The following TEX22 variants were observed in gnomAD, a reference collection of about 807,000 sequenced individuals.
TEX22 encodes testis expressed 22, also known as testis-expressed protein 22.
Under a neutral mutation model 11.3 loss-of-function variants are expected in TEX22, and 16 were observed. The ratio of observed to expected loss-of-function variants is 1.42; its 90% confidence interval spans 0.96 to 2.15. The LOEUF is 2.15. Among genes scored for constraint, TEX22 ranks in the 30% most tolerant of loss-of-function variants. The pLI is 0.00. For synonymous variants in TEX22, 97 were observed against 92.3 expected, an observed-to-expected ratio of 1.05 and a Z score of -0.29; for missense variants, 220 against 208.6, an observed-to-expected ratio of 1.05 and a Z score of -0.34.
At chr14:105,403,732 T>G (rs1187205177) in intron 2 of TEX22, among the ~76,000 whole-genome samples, 2 of 152,212 alleles carry the variant, frequency 1.3e-5, no homozygotes, top group Non-Finnish European at 2.9e-5. Flanking sequence ...AGATTTAACG[T>G]TTTAAACATG....
chr14:105,402,680 C>T (rs953143343), intron 2 of TEX22, among the ~76,000 whole-genome samples: 10 of 148,398 alleles, frequency 6.7e-5, no homozygotes, highest in South Asian at 2.2e-4. Context: ...GGCGTGAACC[C>T]GGGAGGCGGA....
rs1555418121 is a variant in TEX22, at chr14:105,399,364, C to A, written c.24C>A (p.Pro8=). 2.6e-6 allele frequency: 4 copies of A among 1,535,776 alleles called. No individual in the cohort carries two copies. Among genetic ancestry groups the A allele is most frequent in the East Asian group, 4.9e-5 (2 of 40,904 alleles). Residue 8 remains proline, a synonymous_variant, in exon 2 of 4, where the codon CCC becomes CCA. Transcript: ENST00000451127. MDSRKLS[P]RGKKLESHLS... ...AGATGGACAGCAGGAAACTGTCCCC[C>A]CGGGGGAAGAAGCTGGAGTCGCACC...
At chr14:105,411,269 C>T in intron 2 of TEX22, 99 bp from the exon 3 acceptor site, 1 of 1,185,328 alleles carries the variant, frequency 8.4e-7, no homozygotes, top group East Asian at 3.9e-5. Flanking sequence ...CTTTAGAAAG[C>T]GCCCGGGGGC....
At position 105,407,036 on chromosome 14, in the gene TEX22, G is replaced by A. The variant is rs1224136669; in HGVS notation, c.151-4332G>A. ...TTGGTGTGTCCTGATTTCATCGTTC[G>A]TTTCTCAGCCACCATGTCTGGCTAA... On this transcript the variant is annotated intron_variant, in intron 2 of 3. Transcript: ENST00000451127. Among the ~76,000 whole-genome samples the A allele has an allele frequency of 1.1e-4, 16 of 150,062 alleles. No homozygotes were observed. The East Asian group carries it at 2.9e-3, about 27-fold the overall frequency.
chr14:105,400,252 G>A (rs1358989668), intron 2 of TEX22, among the ~76,000 whole-genome samples: 1 of 152,204 alleles, frequency 6.6e-6, no homozygotes, highest in Admixed American at 6.5e-5. Flanking sequence ...GCACACAGGC[G>A]TGTCTGCGTG....
At chr14:105,407,628 C>T (rs187795305) in intron 2 of TEX22, among the ~76,000 whole-genome samples, 16 of 152,276 alleles carry the variant, frequency 1.1e-4, no homozygotes, top group Admixed American at 8.5e-4. Context: ...CCTAGGCCTC[C>T]CAAAGTGTTG....
intron 2 of TEX22, among the ~76,000 whole-genome samples, chr14:105,403,146 C>A (rs1416301894): frequency 3.3e-5 from 5 of 152,164 alleles, no homozygotes; most frequent in African/African-American, 1.2e-4. Context: ...ATATCGAGGT[C>A]TTATCTATGT....
chr14:105,398,996 G>C (rs1385674424), intron 1 of TEX22, among the ~76,000 whole-genome samples: 1 of 152,274 alleles, frequency 6.6e-6, no homozygotes, highest in African/African-American at 2.4e-5. Flanking sequence ...GATGCCCCTG[G>C]AACGTTTGAG....
rs374188362 is a variant in TEX22 at position 105,402,687 on chromosome 14, C to T, written c.150+3197C>T. On this transcript the variant is annotated intron_variant, in intron 2 of 3. Transcript: ENST00000451127. ...AGGAGAATGGCGTGAACCCGGGAGG[C>T]GGAGCTTGCAGTGAGACGAGATTGC... is the stretch of plus-strand genomic sequence containing the variant. Among the ~76,000 whole-genome samples, 171 of 145,224 alleles carry T rather than the reference C, an allele frequency of 1.2e-3. 1 individual carries two copies. Among genetic ancestry groups the T allele is most frequent in the African/African-American group, 3.3e-3 (128 of 38,352 alleles).
rs1174445386 is a variant in TEX22, at chr14:105,399,393, C to T, written c.53C>T (p.Ser18Phe). ...GGGAAGAAGCTGGAGTCGCACCTCT[C>T]CCAAGAGCACAGGCGGCCCCCACTG... ...PRGKKLESHL[S>F]QEHRRPPLGL... Residue 18 changes from serine to phenylalanine, a missense_variant, in exon 2 of 4, where the codon TCC (serine) becomes TTC (phenylalanine). By Grantham distance (155) the Ser-to-Phe change is radical (BLOSUM62 -2). Transcript: ENST00000451127. The T allele has an allele frequency of 3.3e-6, 5 of 1,535,706 alleles. No individual in the cohort carries two copies. The highest frequency in any genetic ancestry group is 2.7e-5 in the African/African-American group (2 of 73,028).
intron 2 of TEX22, among the ~76,000 whole-genome samples, chr14:105,405,932 A>G (rs2081656519): frequency 6.6e-6 from 1 of 152,238 alleles, no homozygotes; most frequent in Non-Finnish European, 1.5e-5. Context: ...CCTGTGGCAG[A>G]AGGTGGCAAA....
At chr14:105,411,086 G>A (rs587630583) in intron 2 of TEX22, among the ~76,000 whole-genome samples, 134 of 152,366 alleles carry the variant, frequency 8.8e-4, no homozygotes, top group African/African-American at 3.1e-3. Flanking sequence ...GCCGGGGGCC[G>A]GCCGTGAGGA....
chr14:105,410,486 T>TTG (rs1315192675), intron 2 of TEX22, among the ~76,000 whole-genome samples: 1 of 152,274 alleles, frequency 6.6e-6, no homozygotes, highest in African/African-American at 2.4e-5. Context: ...ATTTTCGCTA[T>TTG]TGTGAATAAT....
At position 105,412,636 on chromosome 14, in the gene TEX22, T is replaced by C. The variant is rs1323825854; in HGVS notation, c.*803T>C. The C allele has an allele frequency of 7.3e-6, 1 of 136,578 alleles. No homozygotes were observed. The highest frequency in any genetic ancestry group is 1.5e-5 in the Non-Finnish European group (1 of 64,636). 8.5% of individuals were successfully genotyped at this position (136,578 alleles called of 1,614,324 possible). ...CAGCTGCATTTTGGGGACACTAAGTTGCAGGGGGACTGGATTGGGAGGCGG... is the reference window on the plus strand; with the variant it reads ...CAGCTGCATTTTGGGGACACTAAGTCGCAGGGGGACTGGATTGGGAGGCGG... On this transcript the variant is annotated 3_prime_UTR_variant, in exon 4 of 4. Transcript: ENST00000451127. The surrounding 1 kb of genome is among the most constrained non-coding windows in gnomAD (Gnocchi z 5.8).
At chr14:105,403,759 C>T (rs2081644646) in intron 2 of TEX22, among the ~76,000 whole-genome samples, 1 of 152,176 alleles carries the variant, frequency 6.6e-6, no homozygotes, top group South Asian at 2.1e-4. Flanking sequence ...TTCCCAAAAA[C>T]AATTCAGTGT....
chr14:105,412,413 GAGGCA>G lies in TEX22; in HGVS notation c.*581_*585del, dbSNP rs2081699855. The G allele has an allele frequency of 6.6e-6, 1 of 152,516 alleles. No individual in the cohort carries two copies. The highest frequency in any genetic ancestry group is 1.5e-5 in the Non-Finnish European group (1 of 68,290). The allele number at this position is 152,516 out of a possible 1,614,324, so 9.4% of individuals were successfully genotyped here. A position where few individuals can be genotyped will look rare whatever the true frequency, so the allele number is the denominator to read the frequency against. ...GCCCAGCACAGAGGGAGGCTGTCTGGAGGCAGAGATGCCTCCTGGCCTCTGGACAG... is the reference window on the plus strand; with the variant it reads ...GCCCAGCACAGAGGGAGGCTGTCTGGGAGATGCCTCCTGGCCTCTGGACAG... On this transcript the variant is annotated 3_prime_UTR_variant, in exon 4 of 4. Transcript: ENST00000451127. The surrounding 1 kb of genome is among the most constrained non-coding windows in gnomAD (Gnocchi z 5.8).
At position 105,408,127 on chromosome 14, in the gene TEX22, T is replaced by C. The variant is rs141557176; in HGVS notation, c.151-3241T>C. Among the ~76,000 whole-genome samples, 29 of 152,318 alleles carry C rather than the reference T, an allele frequency of 1.9e-4. No homozygotes were observed. In the East Asian group the frequency reaches 5.4e-3, roughly 28 times the overall value. On this transcript the variant is annotated intron_variant, in intron 2 of 3. Coordinates refer to ENST00000451127, the MANE Select transcript of TEX22 (RefSeq NM_001195082.2). ...TTTAAATTACTTTTGTTAAAACATA[T>C]ATATTTAGAACAGCAGTCCCCAAAG...
At chr14:105,410,292 G>A (rs782014652) in intron 2 of TEX22, among the ~76,000 whole-genome samples, 11 of 152,158 alleles carry the variant, frequency 7.2e-5, no homozygotes, top group Non-Finnish European at 1.6e-4. Context: ...GGTCAGGCTA[G>A]TCTCGAACTC....
intron 2 of TEX22, among the ~76,000 whole-genome samples, chr14:105,406,811 G>A (rs767772310): frequency 2.0e-5 from 3 of 152,056 alleles, no homozygotes. Flanking sequence ...AGCCCATTGT[G>A]ATCATTATTC....
Sources: allele counts gnomAD v4.1 joint callset (sites outside exome capture counted in the v4.1 genomes callset), GRCh38; gene constraint gnomAD v4.1.1; non-coding constraint Gnocchi (gnomAD v3.1); transcripts MANE v1.5; gene names NCBI Gene and HGNC (gene_info 2026-07-23, HGNC 2026-07-21).